The following NKAIN3 variants were observed in gnomAD, a reference collection of about 807,000 sequenced individuals.
NKAIN3 encodes the protein sodium/potassium transporting ATPase interacting 3, also known as sodium/potassium-transporting ATPase subunit beta-1-interacting protein 3.
NKAIN3 carries 25 observed loss-of-function variants against 30.2 expected under a neutral mutation model. That is an observed-to-expected ratio of 0.83 (90% CI 0.60 to 1.16). The LOEUF (loss-of-function observed/expected upper bound fraction) is 1.16, where lower values mean the gene tolerates loss of function less well. Among genes scored for constraint, NKAIN3 ranks in the 50% most tolerant of loss-of-function variants. The pLI, the probability that NKAIN3 is intolerant of heterozygous loss-of-function variation, is 0.00. For synonymous variants in NKAIN3, 91 were observed against 89.6 expected, an observed-to-expected ratio of 1.02 and a Z score of -0.09; for missense variants, 225 against 254.1, an observed-to-expected ratio of 0.89 and a Z score of 0.78.
chr8:62,321,847 C>G (rs965677071), intron 1 of NKAIN3, among the ~76,000 whole-genome samples: 1 of 152,192 alleles, frequency 6.6e-6, no homozygotes, highest in Non-Finnish European at 1.5e-5. Context: ...CCACTACTCT[C>G]TTCAAAGCTG....
chr8:62,550,088 A>C (rs1267974156), intron 1 of NKAIN3, among the ~76,000 whole-genome samples: 2 of 152,096 alleles, frequency 1.3e-5, no homozygotes. Flanking sequence ...ACATGGGTCC[A>C]CATTTGACTG....
intron 5 of NKAIN3, among the ~76,000 whole-genome samples, chr8:62,945,849 T>G (rs1823108606): frequency 6.6e-6 from 1 of 152,142 alleles, no homozygotes; most frequent in African/African-American, 2.4e-5. Flanking sequence ...TCAAAACAAG[T>G]TGCCCTCAAG....
chr8:62,680,911 G>T (rs543036041), intron 3 of NKAIN3, among the ~76,000 whole-genome samples: 17 of 152,164 alleles, frequency 1.1e-4, no homozygotes, highest in Non-Finnish European at 2.5e-4. Flanking sequence ...ATAAGTAATT[G>T]TTTTTAGTGA....
intron 5 of NKAIN3, among the ~76,000 whole-genome samples, chr8:62,921,552 T>C (rs1822276545): frequency 6.6e-6 from 1 of 152,222 alleles, no homozygotes; most frequent in Admixed American, 6.5e-5. Flanking sequence ...TTTTATTAAC[T>C]ATTTCTTATA....
At chr8:62,430,596 C>A (rs1804965575) in intron 1 of NKAIN3, among the ~76,000 whole-genome samples, 1 of 151,718 alleles carries the variant, frequency 6.6e-6, no homozygotes, top group Admixed American at 6.6e-5. Flanking sequence ...ATTCTCATGC[C>A]TTCATTTTTC....
At chr8:62,339,828 ATTGT>A (rs1018342306) in intron 1 of NKAIN3, among the ~76,000 whole-genome samples, 2 of 152,004 alleles carry the variant, frequency 1.3e-5, no homozygotes, top group Admixed American at 1.3e-4. Context: ...CGGTGGGCTG[ATTGT>A]TAAAGAAAAA....
At chr8:62,541,116 C>G (rs946876784) in intron 1 of NKAIN3, among the ~76,000 whole-genome samples, 1 of 151,838 alleles carries the variant, frequency 6.6e-6, no homozygotes, top group Admixed American at 6.6e-5. Context: ...TCAAGACCAG[C>G]CTGGCCAACA....
At chr8:62,998,937 T>A (rs550225954) in intron 5 of NKAIN3, among the ~76,000 whole-genome samples, 2 of 152,278 alleles carry the variant, frequency 1.3e-5, no homozygotes, top group African/African-American at 4.8e-5. Flanking sequence ...GATATCTCAT[T>A]GTGATTTTAA....
At chr8:62,461,755 G>A (rs1283123909) in intron 1 of NKAIN3, among the ~76,000 whole-genome samples, 1 of 152,112 alleles carries the variant, frequency 6.6e-6, no homozygotes, top group Non-Finnish European at 1.5e-5. Flanking sequence ...GGTCAATTGA[G>A]GTTATTCAGT....
chr8:62,832,381 G>T (rs1341844842), intron 4 of NKAIN3, among the ~76,000 whole-genome samples: 2 of 150,330 alleles, frequency 1.3e-5, no homozygotes, highest in Non-Finnish European at 3.0e-5. Context: ...CTTCACAATA[G>T]GATCAAAACC....
intron 1 of NKAIN3, among the ~76,000 whole-genome samples, chr8:62,372,095 A>G (rs995885707): frequency 5.9e-5 from 9 of 152,082 alleles, no homozygotes; most frequent in Non-Finnish European, 1.0e-4. Context: ...CTGATTAGAT[A>G]CTGTGAGATA....
At chr8:62,312,526 G>A (rs1409444551) in intron 1 of NKAIN3, among the ~76,000 whole-genome samples, 1 of 150,458 alleles carries the variant, frequency 6.6e-6, no homozygotes, top group Non-Finnish European at 1.5e-5. Context: ...CAATTTAAAA[G>A]GTGTGGTGGG....
chr8:62,341,505 T>G (rs1815744076), intron 1 of NKAIN3, among the ~76,000 whole-genome samples: 1 of 152,044 alleles, frequency 6.6e-6, no homozygotes, highest in South Asian at 2.1e-4. Context: ...ACTTGGTGAC[T>G]CTTTCTGTCA....
chr8:62,993,150 C>T (rs988171938), intron 5 of NKAIN3, among the ~76,000 whole-genome samples: 4 of 152,092 alleles, frequency 2.6e-5, no homozygotes, highest in African/African-American at 7.2e-5. Context: ...TCCACATTAC[C>T]TCTTTCTGCC....
chr8:62,413,153 G>C (rs1173689487), intron 1 of NKAIN3, among the ~76,000 whole-genome samples: 3 of 152,164 alleles, frequency 2.0e-5, no homozygotes, highest in Non-Finnish European at 4.4e-5. Context: ...ACAGATGCTG[G>C]CCAGGCTGTA....
At chr8:62,285,447 G>T (rs1357223100) in intron 1 of NKAIN3, among the ~76,000 whole-genome samples, 1 of 152,164 alleles carries the variant, frequency 6.6e-6, no homozygotes, top group Non-Finnish European at 1.5e-5. Context: ...AGCTGAAGAG[G>T]CTGAACCAAA....
intron 4 of NKAIN3, among the ~76,000 whole-genome samples, chr8:62,761,517 TTGAG>T (rs372300385): frequency 1.3e-5 from 2 of 152,206 alleles, no homozygotes; most frequent in African/African-American, 4.8e-5. Flanking sequence ...ACTTAGTATA[TTGAG>T]TATCAGAAAC....
intron 1 of NKAIN3, among the ~76,000 whole-genome samples, chr8:62,440,790 A>ATGT (rs1476464921): frequency 6.6e-6 from 1 of 152,090 alleles, no homozygotes; most frequent in East Asian, 1.9e-4. Flanking sequence ...AGAAAGATTA[A>ATGT]TGTAGCCATG....
intron 1 of NKAIN3, among the ~76,000 whole-genome samples, chr8:62,250,246 A>G (rs907235379): frequency 5.3e-5 from 8 of 152,134 alleles, no homozygotes; most frequent in African/African-American, 1.9e-4. Context: ...GAATGTTTTC[A>G]CTTTTCTCTT....
Sources: allele counts gnomAD v4.1 joint callset (sites outside exome capture counted in the v4.1 genomes callset), GRCh38; gene constraint gnomAD v4.1.1; transcripts MANE v1.5; gene names NCBI Gene and HGNC (gene_info 2026-07-23, HGNC 2026-07-21).